The following TTLL3 variants were observed in gnomAD, a reference collection of about 807,000 sequenced individuals.
TTLL3 encodes the protein tubulin monoglycylase TTLL3.
TTLL3 carries 63 observed loss-of-function variants against 75.2 expected under a neutral mutation model. The ratio of observed to expected loss-of-function variants is 0.84; its 90% CI spans 0.68 to 1.03. TTLL3 has a LOEUF of 1.03. TTLL3 is among the 50% of genes least tolerant of loss of function. The pLI, the probability that TTLL3 is intolerant of heterozygous loss-of-function variation, is 0.00. For synonymous variants in TTLL3, 393 were observed against 418.5 expected (o/e 0.94, Z 0.74); for missense variants, 997 against 1,069.9 (o/e 0.93, Z 0.95).
rs1407517776 is a variant in TTLL3 at position 9,810,586 on chromosome 3, A to G, written c.-41-35A>G. 3.9e-6 allele frequency: 6 copies of G among 1,546,668 alleles called. No individual in the cohort carries two copies. The South Asian group carries it at 4.8e-5, about 12-fold the overall frequency. On this transcript the variant is annotated intron_variant, in intron 1 of 13. Coordinates refer to ENST00000685419, the MANE Select transcript of TTLL3 (RefSeq NM_001387446.1). The surrounding 1 kb of genome is among the most constrained non-coding windows in gnomAD (Gnocchi z 4.4). ...AGGCCGAGACCCTAGGCCCAGCCTC[A>G]GTGTACCCCGCCCCTATTCCGCATC...
chr3:9,810,835 C>A lies in TTLL3; in HGVS notation c.48+126C>A. On this transcript the variant is annotated intron_variant, in intron 2 of 13. Coordinates refer to ENST00000685419, the MANE Select transcript of TTLL3 (RefSeq NM_001387446.1). This position sits in a 1 kb window ranked among gnomAD's most constrained non-coding sequence, Gnocchi z 4.4. The stretch of plus-strand genomic sequence containing the variant: ...AAAAACAATAGCAAAAATCCTCAAC[C>A]ACCACACCCATCTTCAACTACCTCC... The A allele has an allele frequency of 1.1e-6, 1 of 888,288 alleles. No individual in the cohort carries two copies. The highest frequency in any genetic ancestry group is 1.7e-6 in the Non-Finnish European group (1 of 594,848). 55.0% of individuals were successfully genotyped at this position (888,288 alleles called of 1,614,324 possible). A position where few individuals can be genotyped will look rare whatever the true frequency, so the allele number is the denominator to read the frequency against.
chr3:9,822,145 A>C (rs1441201113), intron 8 of TTLL3, among the ~76,000 whole-genome samples: 1 of 127,372 alleles, frequency 7.9e-6, no homozygotes, highest in Non-Finnish European at 1.6e-5. Context: ...GGCTCACTGC[A>C]ACCTCCACCT....
At chr3:9,834,103 ACT>A in intron 12 of TTLL3, 1 of 266,592 alleles carries the variant, frequency 3.8e-6, no homozygotes, top group Non-Finnish European at 7.3e-6. Flanking sequence ...CAAGAGCAAA[ACT>A]CTGTCTCAAA....
chr3:9,829,419 G>T, intron 11 of TTLL3, 24 bp downstream of exon 11: 2 of 1,560,290 alleles, frequency 1.3e-6, no homozygotes, highest in South Asian at 2.4e-5. Context: ...GCCCAGGCAG[G>T]ACCCCAGAGA....
chr3:9,834,680 G>A lies in TTLL3; in HGVS notation c.1826-1G>A. 6.2e-7 allele frequency: 1 copy of A among 1,613,966 alleles called. No individual in the cohort carries two copies. The highest frequency in any genetic ancestry group is 8.5e-7 in the Non-Finnish European group (1 of 1,179,986). ...CCTCACAGCTTCTCTTGCTCCCACA[G>A]CCCGTCACCACTTCCCCAGCCTCCA... On this transcript the variant is annotated splice_acceptor_variant, in intron 12 of 13. Transcript: ENST00000685419. LOFTEE classifies it high-confidence loss of function.
rs78241414 is a variant in TTLL3 at position 9,833,557 on chromosome 3, C to T, written c.1825+312C>T. Among the ~76,000 whole-genome samples the T allele has an allele frequency of 6.9e-3, 1,045 of 152,340 alleles. 4 individuals carry two copies. The highest frequency in any genetic ancestry group is 0.012 in the Non-Finnish European group (815 of 68,022). ...CCTGGGTAAGACCATTCCCCCAAAACACCCGAGTGTTCCAAGGCGATTTAT... is the reference window on the plus strand; with the variant it reads ...CCTGGGTAAGACCATTCCCCCAAAATACCCGAGTGTTCCAAGGCGATTTAT... On this transcript the variant is annotated intron_variant, in intron 12 of 13. Coordinates refer to ENST00000685419, the MANE Select transcript of TTLL3 (RefSeq NM_001387446.1).
chr3:9,825,656 G>A lies in TTLL3; in HGVS notation c.855-144G>A, dbSNP rs749233084. 4 of 1,472,418 alleles carry A rather than the reference G, an allele frequency of 2.7e-6. No individual in the cohort carries two copies. The South Asian group carries it at 4.8e-5, about 18-fold the overall frequency. 91.2% of individuals were successfully genotyped at this position (1,472,418 alleles called of 1,614,324 possible). A position where few individuals can be genotyped will look rare whatever the true frequency, so the allele number is the denominator to read the frequency against. ...GCTTGAAGGTGGGGCCGGAGGCTTG[G>A]GAGGGACCTATGGATATCTGCAGGG... On this transcript the variant is annotated intron_variant, in intron 8 of 13. Coordinates refer to ENST00000685419, the MANE Select transcript of TTLL3 (RefSeq NM_001387446.1).
intron 2 of TTLL3, 108 bp from the exon 3 acceptor site, chr3:9,812,835 A>C (rs1244352152): frequency 7.7e-7 from 1 of 1,304,814 alleles, no homozygotes; most frequent in Non-Finnish European, 1.0e-6. Flanking sequence ...ATGGAATATA[A>C]AAATTTCCTG....
At chr3:9,809,900 C>T (rs1188603140), upstream of TTLL3, 7 of 745,440 alleles carry the variant, frequency 9.4e-6, no homozygotes, top group Non-Finnish European at 3.6e-6. Context: ...GGGCTTGGAA[C>T]GGAGGACAAG....
upstream of TTLL3, chr3:9,810,146 C>T: frequency 6.8e-7 from 1 of 1,474,954 alleles, no homozygotes; most frequent in Non-Finnish European, 8.9e-7. The surrounding 1 kb of genome is among the most constrained non-coding windows in gnomAD (Gnocchi z 4.4). Flanking sequence ...GAGCCACGCA[C>T]CAGTTTCCCC....
chr3:9,814,999 A>G (rs942037288), intron 4 of TTLL3, among the ~76,000 whole-genome samples: 8 of 151,978 alleles, frequency 5.3e-5, no homozygotes, highest in Admixed American at 1.3e-4. Flanking sequence ...GCACTTTGGG[A>G]GGCCAAGGCG....
At chr3:9,813,879 C>T (rs969743077) in intron 4 of TTLL3, among the ~76,000 whole-genome samples, 18 of 152,120 alleles carry the variant, frequency 1.2e-4, no homozygotes, top group Non-Finnish European at 2.1e-4. Context: ...ATTCAGAGCT[C>T]TGCTAGGTCA....
chr3:9,811,183 G>A (rs181597532), intron 2 of TTLL3, among the ~76,000 whole-genome samples: 1 of 152,236 alleles, frequency 6.6e-6, no homozygotes, highest in Non-Finnish European at 1.5e-5. Context: ...CCTTGGCTGA[G>A]TCCAGTCAGT....
intron 13 of TTLL3, 69 bp from the exon 14 acceptor site, chr3:9,835,025 C>T: frequency 1.3e-6 from 2 of 1,592,508 alleles, no homozygotes; most frequent in Admixed American, 1.7e-5. Context: ...AAGAGCTGGT[C>T]TCCCTCAGAA....
chr3:9,810,078 C>G (rs1386417684), upstream of TTLL3: 1 of 1,393,748 alleles, frequency 7.2e-7, no homozygotes, highest in Non-Finnish European at 9.3e-7. This position sits in a 1 kb window ranked among gnomAD's most constrained non-coding sequence, Gnocchi z 4.4. Context: ...GCTCGGCCTC[C>G]TGGTACCGCC....
chr3:9,833,015 A>G, intron 11 of TTLL3, 89 bp from the exon 12 acceptor site: 3 of 1,518,584 alleles, frequency 2.0e-6, no homozygotes, highest in Non-Finnish European at 2.7e-6. Flanking sequence ...TCAGAAAGTA[A>G]TTCCACCCAT....
At chr3:9,814,986 G>A (rs930853654) in intron 4 of TTLL3, among the ~76,000 whole-genome samples, 4 of 151,486 alleles carry the variant, frequency 2.6e-5, no homozygotes, top group Admixed American at 6.6e-5. Context: ...GCCTGTAATC[G>A]CAGCACTTTG....
chr3:9,829,033 C>T lies in TTLL3; in HGVS notation c.1321C>T (p.Pro441Ser). 6.2e-7 allele frequency: 1 copy of T among 1,614,228 alleles called. No homozygotes were observed. The highest frequency in any genetic ancestry group is 8.5e-7 in the Non-Finnish European group (1 of 1,180,044). Residue 441 changes from proline (P) to serine (S), a missense_variant, in exon 11 of 14, where the codon CCA (proline) becomes TCA (serine). By Grantham distance (74) the Pro-to-Ser change is moderately conservative. Transcript: ENST00000685419. ...ATGCCATCGGCATCCACTGCTTCCG[C>T]CAGACAACATGTGGTCTAGCCAGAG... ...NSCHRHPLLP[P>S]DNMWSSQRFQ...
chr3:9,823,103 G>C (rs929230838), intron 8 of TTLL3, among the ~76,000 whole-genome samples: 3 of 150,994 alleles, frequency 2.0e-5, no homozygotes, highest in African/African-American at 7.3e-5. Flanking sequence ...AATTAGCAGG[G>C]CCGGGCACGG....
Sources: gnomAD v4.1 joint callset for allele counts (sites outside exome capture counted in the v4.1 genomes callset) on GRCh38, gnomAD v4.1.1 for gene constraint, Gnocchi (gnomAD v3.1) non-coding constraint, MANE v1.5 for transcripts, NCBI Gene and HGNC (gene_info 2026-07-23, HGNC 2026-07-21) for gene names.